The following GRM1 variants were observed in gnomAD, a reference collection of about 807,000 sequenced individuals.
GRM1 encodes glutamate metabotropic receptor 1, also known as metabotropic glutamate receptor 1.
A neutral mutation model predicts 90.9 loss-of-function variants in GRM1; 33 were observed. That is an observed-to-expected ratio of 0.36 (90% confidence interval 0.28 to 0.49). The LOEUF is 0.49. GRM1 is among the 20% of genes least tolerant of loss of function. The probability of loss-of-function intolerance (pLI) is 0.99; values close to 1 mark genes in which losing one functional copy is unlikely to be tolerated. For synonymous variants in GRM1, 700 were observed against 613.2 expected, an observed-to-expected ratio of 1.14 and a Z score of -2.09; for missense variants, 1,190 against 1,534.3, an observed-to-expected ratio of 0.78 and a Z score of 3.75.
intron 3 of GRM1, among the ~76,000 whole-genome samples, chr6:146,327,068 A>T (rs1178317674): frequency 6.6e-6 from 1 of 152,190 alleles, no homozygotes; most frequent in East Asian, 1.9e-4. Flanking sequence ...TTAGTATGTT[A>T]GATTTATCAC....
Position 146,399,122 on chromosome 6 carries a change from A to G in GRM1, c.2083A>G (p.Thr695Ala). Residue 695 changes from threonine to alanine, a missense_variant, in exon 7 of 8, where the codon ACC becomes GCC. Transcript: ENST00000282753. The surrounding 1 kb of genome is among the most constrained non-coding windows in gnomAD (Gnocchi z 5.4). The part of the protein sequence containing the change: ...ILAGSKKKIC[T>A]RKPRFMSAWA... ...GGCTGGCAGCAAGAAGAAGATCTGC[A>G]CCCGGAAGCCCAGGTTCATGAGTGC... The G allele has an allele frequency of 6.2e-7, 1 of 1,614,096 alleles. No individual in the cohort carries two copies. Among genetic ancestry groups the G allele is most frequent in the Non-Finnish European group, 8.5e-7 (1 of 1,180,022 alleles).
intron 2 of GRM1, among the ~76,000 whole-genome samples, chr6:146,270,885 CT>C (rs1562571125): frequency 9.7e-6 from 1 of 103,188 alleles, no homozygotes; most frequent in African/African-American, 4.8e-5. Flanking sequence ...TTCTTTCTTT[CT>C]TTCTTTCTTT....
intron 2 of GRM1, among the ~76,000 whole-genome samples, chr6:146,281,082 C>A (rs555336504): frequency 5.4e-4 from 82 of 152,228 alleles, no homozygotes; most frequent in Non-Finnish European, 9.6e-4. Context: ...AAATAATGCT[C>A]AAAAATTTAA....
chr6:146,324,737 C>A (rs1467980262), intron 3 of GRM1, among the ~76,000 whole-genome samples: 1 of 152,112 alleles, frequency 6.6e-6, no homozygotes, highest in African/African-American at 2.4e-5. Flanking sequence ...CTTCAACTCA[C>A]CCCCCGTGGG....
intron 2 of GRM1, among the ~76,000 whole-genome samples, chr6:146,213,105 T>A (rs1284286390): frequency 6.6e-6 from 1 of 152,102 alleles, no homozygotes; most frequent in Non-Finnish European, 1.5e-5. Context: ...TTCTAATGAT[T>A]TTTTTTCTAG....
rs191356446 is a variant in GRM1 at position 146,222,946 on chromosome 6, G to A, written c.950+63349G>A. On this transcript the variant is annotated intron_variant, in intron 2 of 7. Coordinates refer to ENST00000282753, the MANE Select transcript of GRM1 (RefSeq NM_001278064.2). ...AGGTAAGAGAAGTTTAGATGGGGGA[G>A]TTATATATCTTTGAATCTAGTACAA... is the stretch of plus-strand genomic sequence containing the variant. Among the ~76,000 whole-genome samples, 397 of 152,082 alleles carry A rather than the reference G, an allele frequency of 2.6e-3. 3 individuals carry two copies. The highest frequency in any genetic ancestry group is 8.8e-3 in the African/African-American group (364 of 41,484).
At chr6:146,043,796 T>TATATATATATATGTAG (rs1791214292) in intron 1 of GRM1, among the ~76,000 whole-genome samples, 1 of 137,940 alleles carries the variant, frequency 7.2e-6, no homozygotes, top group Non-Finnish European at 1.6e-5. Context: ...TATATATATA[T>TATATATATATATGTAG]ATATATATAT....
chr6:146,142,630 A>G (rs1033386313), intron 1 of GRM1, among the ~76,000 whole-genome samples: 3 of 148,460 alleles, frequency 2.0e-5, no homozygotes, highest in Non-Finnish European at 3.0e-5. Flanking sequence ...TTCCCACCCT[A>G]CCCTCCCTTT....
chr6:146,316,937 A>G (rs944563181), intron 3 of GRM1, among the ~76,000 whole-genome samples: 3 of 152,202 alleles, frequency 2.0e-5, no homozygotes, highest in Admixed American at 2.0e-4. Context: ...GAAAAATCTT[A>G]TTTTAAATGT....
chr6:146,381,099 G>A (rs1035918176), intron 5 of GRM1, among the ~76,000 whole-genome samples: 4 of 152,146 alleles, frequency 2.6e-5, no homozygotes, highest in Non-Finnish European at 5.9e-5. Context: ...GGGGAGGTGT[G>A]ATGCCAGCGT....
At chr6:146,294,113 T>G (rs1783092223) in intron 2 of GRM1, among the ~76,000 whole-genome samples, 1 of 151,800 alleles carries the variant, frequency 6.6e-6, no homozygotes. Context: ...TATTATTTTT[T>G]GCTTTATTTT....
chr6:146,211,578 G>A (rs796557835), intron 2 of GRM1, among the ~76,000 whole-genome samples: 7 of 152,236 alleles, frequency 4.6e-5, no homozygotes, highest in African/African-American at 1.7e-4. Context: ...TAAGTAATGT[G>A]TTGGTGGCTA....
chr6:146,153,458 T>C (rs1175076234), intron 1 of GRM1, among the ~76,000 whole-genome samples: 1 of 152,204 alleles, frequency 6.6e-6, no homozygotes, highest in Non-Finnish European at 1.5e-5. Context: ...AGTGCTGCAC[T>C]CATGGGAATT....
At chr6:146,243,149 A>C (rs894810571) in intron 2 of GRM1, among the ~76,000 whole-genome samples, 6 of 152,156 alleles carry the variant, frequency 3.9e-5, no homozygotes, top group Admixed American at 2.0e-4. Flanking sequence ...TATTAGTGAA[A>C]CTGTTGTCTT....
intron 2 of GRM1, among the ~76,000 whole-genome samples, chr6:146,290,178 A>G (rs1266025210): frequency 6.6e-6 from 1 of 152,198 alleles, no homozygotes; most frequent in Non-Finnish European, 1.5e-5. Flanking sequence ...GTATTCGGTC[A>G]TACAAGGGGC....
At chr6:146,070,032 A>G (rs1348145056) in intron 1 of GRM1, among the ~76,000 whole-genome samples, 4 of 152,140 alleles carry the variant, frequency 2.6e-5, no homozygotes, top group Non-Finnish European at 4.4e-5. Context: ...AAAAATGTTT[A>G]TCTGTTATGT....
intron 1 of GRM1, among the ~76,000 whole-genome samples, chr6:146,104,696 G>A (rs1583007790): frequency 6.6e-6 from 1 of 152,156 alleles, no homozygotes; most frequent in Non-Finnish European, 1.5e-5. Context: ...TGAGAACTTC[G>A]AAATAAGAAG....
intron 2 of GRM1, among the ~76,000 whole-genome samples, chr6:146,213,049 G>A (rs1340459898): frequency 6.6e-6 from 1 of 151,906 alleles, no homozygotes; most frequent in Non-Finnish European, 1.5e-5. Flanking sequence ...GTATAATAAG[G>A]GAAGTAGAAA....
chr6:146,355,735 G>C (rs1054625920), intron 4 of GRM1, among the ~76,000 whole-genome samples: 2 of 152,198 alleles, frequency 1.3e-5, no homozygotes, highest in Non-Finnish European at 2.9e-5. Context: ...TAGTTTGATT[G>C]GCTGTAGCCT....
Sources: gnomAD v4.1 joint callset for allele counts (sites outside exome capture counted in the v4.1 genomes callset) on GRCh38, gnomAD v4.1.1 for gene constraint, Gnocchi (gnomAD v3.1) non-coding constraint, MANE v1.5 for transcripts, NCBI Gene and HGNC (gene_info 2026-07-23, HGNC 2026-07-21) for gene names.